SPART: variants seen among roughly 807,000 people sequenced by gnomAD.
SPART encodes spastic paraplegia 20 (Troyer syndrome).
In SPART, 35 loss-of-function variants were observed where a neutral mutation model predicts 58.7. The ratio of observed to expected loss-of-function variants is 0.60; its 90% CI spans 0.46 to 0.79. The LOEUF (loss-of-function observed/expected upper bound fraction) is 0.79. SPART is among the 30% of genes least tolerant of loss of function. The probability of loss-of-function intolerance (pLI) is 0.00; values close to 1 mark genes in which losing one functional copy is unlikely to be tolerated. For synonymous variants in SPART, 284 were observed against 280.7 expected, an observed-to-expected ratio of 1.01 and a Z score of -0.12; for missense variants, 730 against 786.1, an observed-to-expected ratio of 0.93 and a Z score of 0.85.
At chr13:36,350,730 G>A (rs544644045), upstream of SPART, among the ~76,000 whole-genome samples, 5 of 152,198 alleles carry the variant, frequency 3.3e-5, no homozygotes, top group South Asian at 1.0e-3. Flanking sequence ...CATTATAGAA[G>A]AGAACAATAT....
intron 1 of SPART, among the ~76,000 whole-genome samples, chr13:36,341,166 G>A (rs1884543555): frequency 6.6e-6 from 1 of 152,096 alleles, no homozygotes; most frequent in African/African-American, 2.4e-5. Context: ...AGCTGACTTT[G>A]GGAGGAAGGG....
intron 1 of SPART, among the ~76,000 whole-genome samples, chr13:36,337,971 T>C (rs1275563880): frequency 6.6e-6 from 1 of 152,120 alleles, no homozygotes. Context: ...GAAAAAGAAA[T>C]TAGTGCCAGT....
chr13:36,321,855 A>G (rs1882438548), intron 5 of SPART, among the ~76,000 whole-genome samples: 1 of 152,094 alleles, frequency 6.6e-6, no homozygotes, highest in African/African-American at 2.4e-5. Context: ...GCCCTGCCCC[A>G]CCTTAACTGA....
intron 2 of SPART, among the ~76,000 whole-genome samples, chr13:36,332,096 G>C (rs930110921): frequency 6.6e-6 from 1 of 152,150 alleles, no homozygotes; most frequent in Non-Finnish European, 1.5e-5. Context: ...GGCACAGAGA[G>C]GTCAATTAAG....
At chr13:36,354,740 G>A (rs1885557099) in intron 1 of SPART, among the ~76,000 whole-genome samples, 2 of 152,188 alleles carry the variant, frequency 1.3e-5, no homozygotes, top group African/African-American at 2.4e-5. Context: ...CCTAAGTCCT[G>A]TGAGTCCTCC....
intron 8 of SPART, among the ~76,000 whole-genome samples, chr13:36,308,652 TTTC>T (rs914616944): frequency 1.2e-4 from 18 of 151,962 alleles, no homozygotes; most frequent in South Asian, 6.2e-4. Flanking sequence ...TTTTTTTTTT[TTTC>T]ATTAGAGTAG....
chr13:36,334,455 T>C (rs1593262440), intron 2 of SPART, among the ~76,000 whole-genome samples: 2 of 152,146 alleles, frequency 1.3e-5, no homozygotes, highest in Admixed American at 6.5e-5. Flanking sequence ...TTTTTGTTCA[T>C]GAGGGCTGTC....
At chr13:36,355,029 G>C (rs907794075) in intron 1 of SPART, among the ~76,000 whole-genome samples, 1 of 152,136 alleles carries the variant, frequency 6.6e-6, no homozygotes, top group African/African-American at 2.4e-5. Context: ...GGATTGTATT[G>C]ATTCATTCAT....
chr13:36,325,487 T>C (rs1882840950), intron 5 of SPART, among the ~76,000 whole-genome samples: 1 of 152,166 alleles, frequency 6.6e-6, no homozygotes, highest in Admixed American at 6.5e-5. Context: ...TTAAAATGGA[T>C]TTTAGTGGAC....
intron 5 of SPART, among the ~76,000 whole-genome samples, chr13:36,319,168 C>T (rs1882078903): frequency 6.7e-6 from 1 of 149,070 alleles, no homozygotes. Context: ...TTTAAGCACT[C>T]CTTTTTAGTT....
At chr13:36,345,694 C>CCT (rs1885035191) in intron 1 of SPART, 1 of 152,114 alleles carries the variant, frequency 6.6e-6, no homozygotes. Context: ...CAGCTCAATC[C>CCT]CTAGGAAGCA....
intron 1 of SPART, among the ~76,000 whole-genome samples, chr13:36,354,047 A>G (rs1384089934): frequency 2.0e-5 from 3 of 152,158 alleles, no homozygotes; most frequent in African/African-American, 7.2e-5. Context: ...GGTTAGATCT[A>G]TTTTATCAGA....
At chr13:36,313,368 C>T (rs9531794) in intron 6 of SPART, among the ~76,000 whole-genome samples, 89,173 of 152,054 alleles carry the variant, frequency 0.59, 27,508 homozygotes, top group Non-Finnish European at 0.69. Context: ...CCTAGTAACA[C>T]CACAGCCGCC....
At chr13:36,319,992 C>T (rs1566117588) in intron 5 of SPART, among the ~76,000 whole-genome samples, 1 of 152,136 alleles carries the variant, frequency 6.6e-6, no homozygotes, top group Non-Finnish European at 1.5e-5. Flanking sequence ...ACGGTTAGCG[C>T]AGTCAGAATT....
intron 1 of SPART, among the ~76,000 whole-genome samples, chr13:36,356,315 C>T (rs904726911): frequency 1.3e-5 from 2 of 152,344 alleles, no homozygotes; most frequent in East Asian, 1.9e-4. Context: ...CCTGGACGCT[C>T]TGCTGGATTG....
chr13:36,351,075 T>A (rs575068110), upstream of SPART, among the ~76,000 whole-genome samples: 1 of 152,290 alleles, frequency 6.6e-6, no homozygotes, highest in South Asian at 2.1e-4. Context: ...TTGTTGCCAC[T>A]TAAACACTCT....
Position 36,304,385 on chromosome 13 carries a change from C to T in SPART, c.1981G>A (p.Ala661Thr). Residue 661 changes from alanine to threonine, a missense_variant, in exon 9 of 9, where the codon GCA (alanine) becomes ACA (threonine). Physicochemically the swap from Ala to Thr is moderately conservative, Grantham distance 58. Coordinates refer to ENST00000438666, the MANE Select transcript of SPART (RefSeq NM_015087.5). ...CTTCATCATTTATCTTTCTTCTTTGCCTCCTTTACTTCCTTCGTCTGCTCA... is the reference window on the plus strand; with the variant it reads ...CTTCATCATTTATCTTTCTTCTTTGTCTCCTTTACTTCCTTCGTCTGCTCA... Reference protein sequence around the residue: ...KDEQTKEVKEAKKKDK With the variant: ...KDEQTKEVKETKKKDK The T allele has an allele frequency of 6.2e-7, 1 of 1,614,054 alleles. No individual in the cohort carries two copies.
In SPART at chr13:36,314,334, C is replaced by A; in HGVS notation, c.1376G>T (p.Arg459Leu). Residue 459 changes from arginine to leucine, a missense_variant, in exon 6 of 9, where the codon CGG becomes CTG. Physicochemically the swap from Arg to Leu is moderately radical, Grantham distance 102. Transcript: ENST00000438666. The stretch of plus-strand genomic sequence containing the variant: ...CACGGGTTTTTCTTCTGGTTGAATC[C>A]GCTCTCGGAGTTTAGAAGCACCTTT... ...IQKGASKLRE[R>L]IQPEEKPVEV... The A allele has an allele frequency of 6.2e-7, 1 of 1,614,036 alleles. No homozygotes were observed. Among genetic ancestry groups the A allele is most frequent in the Non-Finnish European group, 8.5e-7 (1 of 1,179,998 alleles).
In SPART at chr13:36,362,352, CA is replaced by C. The variant is rs10627452; in HGVS notation, c.-3+7736del. 7.5e-4 allele frequency among the ~76,000 whole-genome samples: 89 copies of C among 117,924 alleles called. 1 individual carries two copies. Among genetic ancestry groups the C allele is most frequent in the Middle Eastern group, 9.1e-3 (2 of 220 alleles). The allele number at this position is 117,924 out of a possible 152,430, so 77.4% of individuals were successfully genotyped here. ...AGGTGACAGAGCAAGACTTCCATCT[CA>C]AAAAAAAAAAAAAATACCCATGTTA... On this transcript the variant is annotated intron_variant, in intron 1 of 8. Coordinates refer to the SPART transcript ENST00000355182.
Sources: gnomAD v4.1 joint callset for allele counts (sites outside exome capture counted in the v4.1 genomes callset) on GRCh38, gnomAD v4.1.1 for gene constraint, MANE v1.5 for transcripts, NCBI Gene and HGNC (gene_info 2026-07-23, HGNC 2026-07-21) for gene names.